Variants in STIL observed in about 807,000 individuals in gnomAD.
STIL encodes the protein SCL-interrupting locus protein.
Under a neutral mutation model 110.1 loss-of-function variants are expected in STIL, and 55 were observed. That is an observed-to-expected ratio of 0.50 (90% confidence interval 0.40 to 0.63). STIL has a LOEUF of 0.63. Ranked by LOEUF, STIL falls within the 20% of genes least tolerant of loss-of-function variation. The pLI is 0.00. For synonymous variants in STIL, 481 were observed against 530.0 expected (o/e 0.91, Z 1.27); for missense variants, 1,358 against 1,530.0 (o/e 0.89, Z 1.87).
intron 8 of STIL, among the ~76,000 whole-genome samples, chr1:47,291,039 A>G (rs772434521): frequency 1.3e-5 from 2 of 152,112 alleles, no homozygotes; most frequent in Admixed American, 6.6e-5. Flanking sequence ...CCTCACCTTA[A>G]GTCGGCCTCC....
At chr1:47,311,459 G>T (rs1216930083) in intron 1 of STIL, among the ~76,000 whole-genome samples, 2 of 151,162 alleles carry the variant, frequency 1.3e-5, no homozygotes, top group Admixed American at 1.3e-4. Context: ...TAATTTTTTT[G>T]GATTTTTTGT....
At chr1:47,309,598 C>T (rs1336668877) in intron 2 of STIL, among the ~76,000 whole-genome samples, 1 of 152,076 alleles carries the variant, frequency 6.6e-6, no homozygotes, top group African/African-American at 2.4e-5. Flanking sequence ...GAATGCAATT[C>T]TGGTTTGGAA....
At chr1:47,260,789 A>G (rs1472141348) in intron 15 of STIL, among the ~76,000 whole-genome samples, 1 of 152,176 alleles carries the variant, frequency 6.6e-6, no homozygotes, top group African/African-American at 2.4e-5. Flanking sequence ...GGACCACTTG[A>G]GCCACGAGGC....
chr1:47,310,415 A>G (rs923129278), intron 1 of STIL, 53 bp from the exon 2 acceptor site: 3 of 1,167,688 alleles, frequency 2.6e-6, no homozygotes, highest in Non-Finnish European at 3.7e-6. Flanking sequence ...AAGAAGAAAA[A>G]TATGATTTAA....
chr1:47,254,400 T>C (rs1464787509), intron 16 of STIL, among the ~76,000 whole-genome samples: 3 of 152,178 alleles, frequency 2.0e-5, no homozygotes, highest in Non-Finnish European at 4.4e-5. Context: ...ACAATACTTT[T>C]GGAAGTCTTT....
At chr1:47,265,333 A>G (rs192041112) in intron 14 of STIL, among the ~76,000 whole-genome samples, 28 of 151,656 alleles carry the variant, frequency 1.8e-4, no homozygotes, top group African/African-American at 6.8e-4. Context: ...TGCAGTTTAC[A>G]GAGTTAAGGA....
At chr1:47,297,203 A>T (rs1026072582) in intron 6 of STIL, among the ~76,000 whole-genome samples, 19 of 152,194 alleles carry the variant, frequency 1.2e-4, no homozygotes, top group African/African-American at 4.6e-4. Flanking sequence ...TTAGCCAGGC[A>T]TGGTGACGGG....
At chr1:47,271,112 T>C (rs1009310051) in intron 13 of STIL, among the ~76,000 whole-genome samples, 10 of 152,216 alleles carry the variant, frequency 6.6e-5, no homozygotes, top group African/African-American at 2.2e-4. Flanking sequence ...ACAGATTTGA[T>C]ATGCTTATTG....
At chr1:47,289,664 A>C in intron 8 of STIL, 79 bp from the exon 9 acceptor site, 2 of 1,358,110 alleles carry the variant, frequency 1.5e-6, no homozygotes, top group Non-Finnish European at 2.1e-6. Flanking sequence ...TGAGTCTCCC[A>C]ATCTAGTTAA....
chr1:47,302,226 T>C lies in STIL; in HGVS notation c.265+8A>G. ...GTGAGCACTGGTCCATTTTTAAAAG[T>C]GTATTACCTTCGTCTGCTGTCAGAG... is the stretch of plus-strand genomic sequence containing the variant. On this transcript the variant is annotated splice_region_variant and intron_variant, in intron 4 of 16. Transcript: ENST00000371877. 3.1e-6 allele frequency: 5 copies of C among 1,599,802 alleles called. No individual in the cohort carries two copies. The highest frequency in any genetic ancestry group is 3.4e-6 in the Non-Finnish European group (4 of 1,167,162).
At chr1:47,281,261 ATACTT>A in intron 11 of STIL, 52 bp from the exon 12 acceptor site, 2 of 1,542,070 alleles carry the variant, frequency 1.3e-6, no homozygotes, top group Non-Finnish European at 1.8e-6. Context: ...GAGAAACTGT[ATACTT>A]TACTTTCCTC....
At chr1:47,262,102 G>A (rs1232398770) in intron 15 of STIL, among the ~76,000 whole-genome samples, 1 of 152,080 alleles carries the variant, frequency 6.6e-6, no homozygotes, top group Admixed American at 6.6e-5. Flanking sequence ...AATGACCTGT[G>A]ATACTATTTC....
In STIL at chr1:47,257,644, A is replaced by G. The variant is rs571062988; in HGVS notation, c.3080+2645T>C. On this transcript the variant is annotated intron_variant, in intron 16 of 16. Coordinates refer to ENST00000371877, the MANE Select transcript of STIL (RefSeq NM_001048166.1). ...CATTTTGATGTAGATCAATTACAAC[A>G]CAGTATGAAATACTCCTAAAGTTAG... Among the ~76,000 whole-genome samples, 6 of 152,374 alleles carry G rather than the reference A, an allele frequency of 3.9e-5. No individual in the cohort carries two copies. In the South Asian group the frequency reaches 1.0e-3, roughly 26 times the overall value.
At position 47,295,854 on chromosome 1, in the gene STIL, C is replaced by G; in HGVS notation, c.702-6G>C. The G allele has an allele frequency of 6.3e-7, 1 of 1,599,610 alleles. No individual in the cohort carries two copies. Among genetic ancestry groups the G allele is most frequent in the Non-Finnish European group, 8.6e-7 (1 of 1,167,428 alleles). ...TTTCATCCATGGTAAGATATCTAAACAGAAGACATTCATGTGAAAATAACT... is the reference window on the plus strand; with the variant it reads ...TTTCATCCATGGTAAGATATCTAAAGAGAAGACATTCATGTGAAAATAACT... On this transcript the variant is annotated splice_polypyrimidine_tract_variant and splice_region_variant and intron_variant, in intron 6 of 16. Transcript: ENST00000371877.
chr1:47,287,072 A>G (rs932005656), intron 10 of STIL, among the ~76,000 whole-genome samples: 1 of 152,094 alleles, frequency 6.6e-6, no homozygotes, highest in African/African-American at 2.4e-5. Flanking sequence ...ATTTAAAACT[A>G]TAAGGAAGGG....
At chr1:47,292,784 T>G (rs1277500676) in intron 8 of STIL, among the ~76,000 whole-genome samples, 1 of 152,194 alleles carries the variant, frequency 6.6e-6, no homozygotes, top group East Asian at 1.9e-4. Context: ...GGAAGAGAGA[T>G]CTACTTTTAT....
intron 13 of STIL, among the ~76,000 whole-genome samples, chr1:47,270,242 ATATAT>A (rs1292467344): frequency 3.4e-5 from 3 of 87,658 alleles, no homozygotes; most frequent in East Asian, 2.7e-4. Flanking sequence ...AAAAAAAAAA[ATATAT>A]ATATATATAC....
chr1:47,278,834 A>G (rs1645064685), intron 12 of STIL, among the ~76,000 whole-genome samples: 1 of 152,032 alleles, frequency 6.6e-6, no homozygotes, highest in Non-Finnish European at 1.5e-5. Flanking sequence ...AAAAAACTAT[A>G]CTTTACAATT....
At chr1:47,284,903 G>A (rs1645251776) in intron 10 of STIL, among the ~76,000 whole-genome samples, 3 of 149,490 alleles carry the variant, frequency 2.0e-5, no homozygotes, top group South Asian at 2.1e-4. Context: ...AAAAAAAAAA[G>A]ATAAAGACTG....
Sources: gnomAD v4.1 joint callset for allele counts (sites outside exome capture counted in the v4.1 genomes callset) on GRCh38, gnomAD v4.1.1 for gene constraint, MANE v1.5 for transcripts, NCBI Gene and HGNC (gene_info 2026-07-23, HGNC 2026-07-21) for gene names.